The following SEPTIN9 variants were observed in gnomAD, a reference collection of about 807,000 sequenced individuals.
SEPTIN9 encodes the protein septin 9.
In SEPTIN9, 13 loss-of-function variants were observed where a neutral mutation model predicts 56.6. That is an observed-to-expected ratio of 0.23 (90% CI 0.15 to 0.37). SEPTIN9 has a LOEUF of 0.37. Among genes scored for constraint, SEPTIN9 ranks in the 10% least tolerant of loss-of-function variants. SEPTIN9 has a pLI of 1.00. For missense variants in SEPTIN9, 650 were observed against 823.1 expected (o/e 0.79, Z 2.57); for synonymous variants, 332 against 334.1 (o/e 0.99, Z 0.07).
At chr17:77,362,255 C>T (rs2034442214) in intron 2 of SEPTIN9, among the ~76,000 whole-genome samples, 1 of 152,222 alleles carries the variant, frequency 6.6e-6, no homozygotes, top group African/African-American at 2.4e-5. Context: ...TGCTCAAGAT[C>T]TGTGGCCACA....
intron 2 of SEPTIN9, among the ~76,000 whole-genome samples, chr17:77,362,685 G>A (rs1234991851): frequency 6.6e-6 from 1 of 152,188 alleles, no homozygotes; most frequent in Non-Finnish European, 1.5e-5. Context: ...ATGTTCACAG[G>A]GCTCCTTCAG....
intron 2 of SEPTIN9, among the ~76,000 whole-genome samples, chr17:77,341,277 T>C (rs2033715970): frequency 6.6e-6 from 1 of 152,188 alleles, no homozygotes; most frequent in Non-Finnish European, 1.5e-5. Flanking sequence ...ACTTGAACAC[T>C]TAGAGGCCAT....
At chr17:77,308,841 T>G in intron 2 of SEPTIN9, among the ~76,000 whole-genome samples, 1 of 151,650 alleles carries the variant, frequency 6.6e-6, no homozygotes, top group Non-Finnish European at 1.5e-5. Context: ...GGAGTGGGAG[T>G]GGAGGGGATG....
intron 2 of SEPTIN9, among the ~76,000 whole-genome samples, chr17:77,334,421 CAAAA>C (rs34122443): frequency 3.3e-5 from 3 of 92,268 alleles, no homozygotes; most frequent in African/African-American, 8.4e-5. Context: ...GACTCTGTCT[CAAAA>C]AAAAAAAAAA....
At chr17:77,455,594 G>A (rs1291852621) in intron 3 of SEPTIN9, among the ~76,000 whole-genome samples, 1 of 152,218 alleles carries the variant, frequency 6.6e-6, no homozygotes, top group African/African-American at 2.4e-5. Context: ...AGACGTGGGT[G>A]GCACATCCAC....
Position 77,326,650 on chromosome 17 carries a change from A to G in SEPTIN9, c.76+19453A>G, listed in dbSNP as rs1458471930. Among the ~76,000 whole-genome samples, 1 of 152,202 alleles carries G rather than the reference A, an allele frequency of 6.6e-6. No homozygotes were observed. The highest frequency in any genetic ancestry group is 1.9e-4 in the East Asian group (1 of 5,200). The stretch of plus-strand genomic sequence containing the variant: ...GGTTTTCATCTCCATTTCCTGGCAC[A>G]CAACTCCTAAAATCCTTGGAATCTC... On this transcript the variant is annotated intron_variant, in intron 2 of 11. Coordinates refer to ENST00000427177, the MANE Select transcript of SEPTIN9 (RefSeq NM_001113491.2). This position sits in a 1 kb window ranked among gnomAD's most constrained non-coding sequence, Gnocchi z 5.1.
chr17:77,433,804 GC>G lies in SEPTIN9; in HGVS notation c.721+31107del, dbSNP rs1173670104. ...CCCTCCCCTCCTGGGTATCCCCTGC[GC>G]CCCCCGCCCCAGGCACTTGATGTTG... On this transcript the variant is annotated intron_variant, in intron 3 of 11. Transcript: ENST00000427177. This position sits in a 1 kb window ranked among gnomAD's most constrained non-coding sequence, Gnocchi z 6.4. 6.6e-6 allele frequency among the ~76,000 whole-genome samples: 1 copy of G among 151,534 alleles called. No homozygotes were observed. Among genetic ancestry groups the G allele is most frequent in the African/African-American group, 2.4e-5 (1 of 41,186 alleles).
rs1230173095 is a variant in SEPTIN9, at chr17:77,402,873, T to C, written c.721+170T>C. ...TGGGGGTCTGCAAGCTCAGGAGAGG[T>C]GGCTCTCTCTGTCTGATGGGAACAT... is the stretch of plus-strand genomic sequence containing the variant. On this transcript the variant is annotated intron_variant, in intron 3 of 11. Coordinates refer to ENST00000427177, the MANE Select transcript of SEPTIN9 (RefSeq NM_001113491.2). The surrounding 1 kb of genome is among the most constrained non-coding windows in gnomAD (Gnocchi z 6.6). Among the ~76,000 whole-genome samples, 1 of 151,864 alleles carries C rather than the reference T, an allele frequency of 6.6e-6. No individual in the cohort carries two copies. Among genetic ancestry groups the C allele is most frequent in the East Asian group, 1.9e-4 (1 of 5,180 alleles).
intron 3 of SEPTIN9, among the ~76,000 whole-genome samples, chr17:77,455,851 G>A (rs1196062840): frequency 1.3e-5 from 2 of 152,174 alleles, no homozygotes; most frequent in East Asian, 1.9e-4. Flanking sequence ...AGGCTATCCC[G>A]AGACAGTCTC....
chr17:77,481,485 G>C (rs889263918), intron 3 of SEPTIN9, among the ~76,000 whole-genome samples: 2 of 151,326 alleles, frequency 1.3e-5, no homozygotes, highest in Non-Finnish European at 2.9e-5. Context: ...TCCCAGGACT[G>C]CTGGCTCGTT....
chr17:77,334,371 G>A (rs533886354), intron 2 of SEPTIN9, among the ~76,000 whole-genome samples: 1 of 146,330 alleles, frequency 6.8e-6, no homozygotes, highest in East Asian at 2.0e-4. Context: ...GCAGTGAGCC[G>A]AGATTGCACC....
chr17:77,347,693 T>G (rs997229699), intron 2 of SEPTIN9, among the ~76,000 whole-genome samples: 1 of 151,960 alleles, frequency 6.6e-6, no homozygotes, highest in Admixed American at 6.6e-5. Context: ...GACTTACAGT[T>G]TTTCAACTTT....
intron 3 of SEPTIN9, among the ~76,000 whole-genome samples, chr17:77,404,154 C>T (rs1181630848): frequency 6.6e-6 from 1 of 152,128 alleles, no homozygotes; most frequent in East Asian, 1.9e-4. Flanking sequence ...TTCTGTTGTG[C>T]GATGCACTTG....
chr17:77,340,118 C>T (rs540511112), intron 2 of SEPTIN9, among the ~76,000 whole-genome samples: 34 of 151,790 alleles, frequency 2.2e-4, no homozygotes, highest in Admixed American at 1.4e-3. Context: ...TGTGAGCCAC[C>T]GTGCTTGGCC....
At chr17:77,364,943 C>T (rs1180677324) in intron 2 of SEPTIN9, among the ~76,000 whole-genome samples, 1 of 152,252 alleles carries the variant, frequency 6.6e-6, no homozygotes, top group Non-Finnish European at 1.5e-5. Flanking sequence ...GATGGAAAAC[C>T]AGTTCTCTAA....
intron 3 of SEPTIN9, among the ~76,000 whole-genome samples, chr17:77,474,292 CA>C (rs1337393553): frequency 1.3e-5 from 2 of 152,230 alleles, no homozygotes; most frequent in Non-Finnish European, 2.9e-5. Context: ...CTCAAGTAAG[CA>C]TCTGTGTCCT....
chr17:77,470,670 C>T (rs543450579), intron 3 of SEPTIN9: 36 of 152,392 alleles, frequency 2.4e-4, no homozygotes, highest in Admixed American at 2.0e-3. Flanking sequence ...ATCCATCTGT[C>T]CATCCATCCA....
Position 77,290,598 on chromosome 17 carries a change from C to T in SEPTIN9, c.19+9044C>T, listed in dbSNP as rs564931660. 9.4e-3 allele frequency among the ~76,000 whole-genome samples: 1,426 copies of T among 151,558 alleles called. 13 individuals are homozygous for T. The highest frequency in any genetic ancestry group is 0.028 in the African/African-American group (1,157 of 41,392). On this transcript the variant is annotated intron_variant, in intron 1 of 11. Coordinates refer to ENST00000427177, the MANE Select transcript of SEPTIN9 (RefSeq NM_001113491.2). ...ATCCCAGCACTTTGAGAGGCCGAGG[C>T]GGGCAGATCACAAGGTCAGAAGATC...
At position 77,486,927 on chromosome 17, in the gene SEPTIN9, G is replaced by A. The variant is rs143291575; in HGVS notation, c.914-497G>A. Among the ~76,000 whole-genome samples, 1,358 of 152,310 alleles carry A rather than the reference G, an allele frequency of 8.9e-3. 16 individuals are homozygous for A. Among genetic ancestry groups the A allele is most frequent in the African/African-American group, 0.027 (1,136 of 41,568 alleles). On this transcript the variant is annotated intron_variant, in intron 4 of 11. Transcript: ENST00000427177. Reference sequence around the variant, plus strand: ...TTTGCAGATCAGGAAACTGAGACACGGTGAGGTCAGGTGACTTGCCCAGGC... The same window carrying A: ...TTTGCAGATCAGGAAACTGAGACACAGTGAGGTCAGGTGACTTGCCCAGGC...
Sources: gnomAD v4.1 joint callset for allele counts (sites outside exome capture counted in the v4.1 genomes callset) on GRCh38, gnomAD v4.1.1 for gene constraint, Gnocchi (gnomAD v3.1) non-coding constraint, MANE v1.5 for transcripts, NCBI Gene and HGNC (gene_info 2026-07-23, HGNC 2026-07-21) for gene names.